Variants in CRLS1 observed in about 807,000 individuals in gnomAD.
CRLS1 encodes the protein cardiolipin synthase 1.
In CRLS1, 24 loss-of-function variants were observed where a neutral mutation model predicts 37.0. That is an observed-to-expected ratio of 0.65 (90% CI 0.47 to 0.91). The LOEUF is 0.91. Among genes scored for constraint, CRLS1 ranks in the 40% least tolerant of loss-of-function variants. The pLI is 0.00. For synonymous variants in CRLS1, 135 were observed against 159.7 expected (o/e 0.85, Z 1.17); for missense variants, 373 against 395.8 (o/e 0.94, Z 0.49).
At chr20:6,006,703 G>A (rs945805072) in intron 1 of CRLS1, 151 bp downstream of exon 1, 2 of 1,210,286 alleles carry the variant, frequency 1.7e-6, no homozygotes, top group African/African-American at 3.2e-5. Context: ...CAGGTCATTC[G>A]GTCGGGATGA....
At chr20:6,020,292 A>G (rs539374165) in intron 3 of CRLS1, among the ~76,000 whole-genome samples, 1 of 152,278 alleles carries the variant, frequency 6.6e-6, no homozygotes, top group South Asian at 2.1e-4. Flanking sequence ...CTTTCATTGC[A>G]TCTCCTATGT....
intron 3 of CRLS1, among the ~76,000 whole-genome samples, chr20:6,019,816 C>A (rs1257891125): frequency 2.0e-5 from 3 of 151,352 alleles, no homozygotes; most frequent in African/African-American, 7.3e-5. Context: ...TGTGTGCCAC[C>A]ATACTTGGCT....
chr20:6,023,205 C>T (rs1224931379), intron 3 of CRLS1, among the ~76,000 whole-genome samples: 1 of 152,138 alleles, frequency 6.6e-6, no homozygotes, highest in Non-Finnish European at 1.5e-5. Context: ...AATCTTACAT[C>T]TTTTGGTAGT....
In CRLS1 at chr20:6,006,329, G is replaced by C; in HGVS notation, c.83G>C (p.Arg28Pro). Reference protein sequence around the residue: ...AWAPGTRPSKRRACWALLPPV... With the variant: ...AWAPGTRPSKPRACWALLPPV... The stretch of plus-strand genomic sequence containing the variant: ...GCTCCGGGAACGCGGCCGAGTAAGC[G>C]ACGCGCCTGCTGGGCCCTGCTGCCG... Residue 28 changes from arginine to proline, a missense_variant, in exon 1 of 7, where the codon CGA (arginine) becomes CCA (proline). Arg to Pro is a moderately radical substitution (Grantham distance 103). Transcript: ENST00000378863. 7.4e-7 allele frequency: 1 copy of C among 1,351,024 alleles called. No homozygotes were observed. Among genetic ancestry groups the C allele is most frequent in the Non-Finnish European group, 9.5e-7 (1 of 1,049,864 alleles). The allele number at this position is 1,351,024 out of a possible 1,614,324, so 83.7% of individuals were successfully genotyped here.
intron 1 of CRLS1, chr20:6,007,476 A>G (rs2122897287): frequency 1.3e-6 from 2 of 1,486,266 alleles, no homozygotes; most frequent in Non-Finnish European, 9.3e-7. Context: ...TACGGATTTA[A>G]TGATTACAAA....
rs542675915 is a variant in CRLS1, at chr20:6,015,346, A to T, written c.445-15A>T. The T allele has an allele frequency of 5.2e-6, 8 of 1,533,542 alleles. No individual in the cohort carries two copies. The East Asian group carries it at 2.0e-4, about 38-fold the overall frequency. The allele number at this position is 1,533,542 out of a possible 1,614,324, so 95.0% of individuals were successfully genotyped here. ...TATGACATTTATATATATAAAAAAA[A>T]ACTTCTATTTTCAGTTGGATGGATT... On this transcript the variant is annotated splice_polypyrimidine_tract_variant and intron_variant, in intron 2 of 6. Coordinates refer to ENST00000378863, the MANE Select transcript of CRLS1 (RefSeq NM_019095.6).
rs1302067226 is a variant in CRLS1 at position 6,039,896 on chromosome 20, TCCAAGAGGAA to T, written c.*2743_*2752del. On this transcript the variant is annotated 3_prime_UTR_variant, in exon 7 of 7. Transcript: ENST00000378863. ...GAGATGGAACAACTCCCTCGGAGCC[TCCAAGAGGAA>T]CCAACCCCACTGATGCTTTGATTTG... 6.6e-6 allele frequency: 1 copy of T among 152,176 alleles called. No individual in the cohort carries two copies. The highest frequency in any genetic ancestry group is 1.5e-5 in the Non-Finnish European group (1 of 68,028). The allele number at this position is 152,176 out of a possible 1,614,324, so 9.4% of individuals were successfully genotyped here. A position where few individuals can be genotyped will look rare whatever the true frequency, so the allele number is the denominator to read the frequency against.
At chr20:6,028,950 G>A (rs1311175824) in intron 3 of CRLS1, among the ~76,000 whole-genome samples, 1 of 152,166 alleles carries the variant, frequency 6.6e-6, no homozygotes, top group Non-Finnish European at 1.5e-5. Context: ...CAGGAAATTT[G>A]GTAACATTTT....
At chr20:6,032,802 G>A (rs1980272013) in intron 5 of CRLS1, among the ~76,000 whole-genome samples, 1 of 152,158 alleles carries the variant, frequency 6.6e-6, no homozygotes, top group Non-Finnish European at 1.5e-5. Flanking sequence ...CATCTTTAAT[G>A]TCAAGGATTT....
intron 2 of CRLS1, among the ~76,000 whole-genome samples, chr20:6,012,878 G>A (rs377389592): frequency 1.3e-5 from 2 of 152,194 alleles, no homozygotes; most frequent in East Asian, 3.9e-4. Context: ...AGAAAATTAG[G>A]CAGTGAGATT....
intron 3 of CRLS1, among the ~76,000 whole-genome samples, chr20:6,030,586 C>T (rs1363778318): frequency 2.6e-5 from 4 of 151,378 alleles, no homozygotes; most frequent in Non-Finnish European, 5.9e-5. Context: ...GGCATGGTGG[C>T]GTGCATCTGT....
intron 3 of CRLS1, among the ~76,000 whole-genome samples, chr20:6,025,585 AT>A (rs1979610745): frequency 6.6e-6 from 1 of 152,238 alleles, no homozygotes; most frequent in African/African-American, 2.4e-5. Context: ...TAAGAAATAC[AT>A]TCCCCAAGGC....
At chr20:6,009,736 A>T (rs1277530201) in intron 1 of CRLS1, 39 bp from the exon 2 acceptor site, 2 of 1,564,248 alleles carry the variant, frequency 1.3e-6, no homozygotes, top group African/African-American at 1.4e-5. Context: ...GTATGAATTC[A>T]TAGTATTTTA....
chr20:6,033,522 C>T (rs1422187763), intron 5 of CRLS1, among the ~76,000 whole-genome samples: 1 of 152,178 alleles, frequency 6.6e-6, no homozygotes, highest in Non-Finnish European at 1.5e-5. Flanking sequence ...GCTTCACTCG[C>T]TTTTTCATAC....
At chr20:6,019,805 G>GT (rs1979103693) in intron 3 of CRLS1, among the ~76,000 whole-genome samples, 1 of 151,160 alleles carries the variant, frequency 6.6e-6, no homozygotes, top group Admixed American at 6.6e-5. Flanking sequence ...AGGATTACAG[G>GT]TGTGTGCCAC....
intron 1 of CRLS1, chr20:6,006,843 C>G: frequency 1.0e-6 from 1 of 983,044 alleles, no homozygotes. Flanking sequence ...AGGTAGCCTT[C>G]GCTTGTCTTA....
intron 3 of CRLS1, among the ~76,000 whole-genome samples, chr20:6,025,942 T>A (rs916290560): frequency 2.6e-5 from 4 of 152,206 alleles, no homozygotes; most frequent in Non-Finnish European, 5.9e-5. Context: ...TGAAATATAC[T>A]CCTGGTGAAG....
intron 3 of CRLS1, among the ~76,000 whole-genome samples, chr20:6,025,344 G>A (rs1044021593): frequency 3.9e-5 from 6 of 152,160 alleles, no homozygotes; most frequent in Admixed American, 6.5e-5. Context: ...AGCAAAGCAC[G>A]AATGACAGCA....
chr20:6,024,977 A>G (rs774268805), intron 3 of CRLS1, among the ~76,000 whole-genome samples: 30 of 152,234 alleles, frequency 2.0e-4, no homozygotes, highest in Non-Finnish European at 4.3e-4. Flanking sequence ...TGGTTTGTGC[A>G]GTTTAAGGAA....
Sources: allele counts gnomAD v4.1 joint callset (sites outside exome capture counted in the v4.1 genomes callset), GRCh38; gene constraint gnomAD v4.1.1; transcripts MANE v1.5; gene names NCBI Gene and HGNC (gene_info 2026-07-23, HGNC 2026-07-21).